The following SPATA24 variants were observed in gnomAD, a reference collection of about 807,000 sequenced individuals.
SPATA24 encodes spermatogenesis-associated protein 24.
Under a neutral mutation model 28.9 loss-of-function variants are expected in SPATA24, and 21 were observed. The ratio of observed to expected loss-of-function variants is 0.73; its 90% CI spans 0.52 to 1.05. The LOEUF is 1.05. SPATA24 is among the 50% of genes least tolerant of loss of function. The pLI, the probability that SPATA24 is intolerant of heterozygous loss-of-function variation, is 0.00. For synonymous variants in SPATA24, 76 were observed against 89.9 expected (o/e 0.85, Z 0.88); for missense variants, 215 against 242.9 (o/e 0.88, Z 0.76).
At chr5:139,401,393 C>G (rs1268593780) in intron 4 of SPATA24, 3 of 589,944 alleles carry the variant, frequency 5.1e-6, no homozygotes, top group Non-Finnish European at 9.0e-6. Flanking sequence ...GACCCTGAGA[C>G]TAAGGATCAG....
At chr5:139,401,115 C>T (rs760121593) in intron 4 of SPATA24, among the ~76,000 whole-genome samples, 1 of 151,862 alleles carries the variant, frequency 6.6e-6, no homozygotes, top group East Asian at 1.9e-4. Context: ...CGTGTGCCAC[C>T]GCACTCCAAC....
chr5:139,402,102 T>G (rs530872478), intron 2 of SPATA24, 57 bp from the exon 3 acceptor site: 3 of 1,516,616 alleles, frequency 2.0e-6, no homozygotes, highest in African/African-American at 2.8e-5. Flanking sequence ...TCTCCTAGAC[T>G]CCCTTAACCA....
intron 5 of SPATA24, 24 bp downstream of exon 5, chr5:139,397,017 C>T (rs544632129): frequency 1.4e-5 from 21 of 1,551,676 alleles, no homozygotes; most frequent in South Asian, 2.4e-5. Flanking sequence ...ATCAACAACC[C>T]CCAGCCGGGC....
intron 2 of SPATA24, among the ~76,000 whole-genome samples, chr5:139,402,384 AAT>A (rs1303899329): frequency 1.3e-5 from 2 of 149,966 alleles, no homozygotes; most frequent in Admixed American, 6.6e-5. Flanking sequence ...ATGCTTGGCT[AAT>A]ATATATATAT....
downstream of SPATA24, chr5:139,392,674 G>A (rs1758618481): frequency 7.1e-7 from 1 of 1,399,748 alleles, no homozygotes; most frequent in African/African-American, 1.5e-5. This position sits in a 1 kb window ranked among gnomAD's most constrained non-coding sequence, Gnocchi z 5.8. Flanking sequence ...CATCTGAGGG[G>A]AGCCGGGGCG....
At chr5:139,394,478 G>A (rs1317930075), downstream of SPATA24, 6 of 1,423,400 alleles carry the variant, frequency 4.2e-6, no homozygotes, top group Non-Finnish European at 4.6e-6. Context: ...ACTGTCCGGG[G>A]CCTGGCGGGC....
intron 4 of SPATA24, among the ~76,000 whole-genome samples, chr5:139,397,877 C>T (rs1418427114): frequency 6.6e-6 from 1 of 152,186 alleles, no homozygotes; most frequent in African/African-American, 2.4e-5. Flanking sequence ...TTTCTTAACA[C>T]TTTTACCTAA....
intron 4 of SPATA24, among the ~76,000 whole-genome samples, chr5:139,400,354 T>C (rs1758795747): frequency 6.7e-6 from 1 of 149,358 alleles, no homozygotes; most frequent in East Asian, 2.0e-4. Context: ...TTGCCCAGGC[T>C]GGAGCGCAAT....
downstream of SPATA24, chr5:139,395,135 G>GC: frequency 1.5e-6 from 2 of 1,371,436 alleles, no homozygotes; most frequent in Non-Finnish European, 1.9e-6. Flanking sequence ...CGCTGGTGGC[G>GC]CCGGCACTGT....
chr5:139,399,628 G>T (rs1260489678), intron 4 of SPATA24, among the ~76,000 whole-genome samples: 1 of 152,236 alleles, frequency 6.6e-6, no homozygotes, highest in Non-Finnish European at 1.5e-5. Context: ...CCGATGGTGA[G>T]AGAATGGTTA....
chr5:139,393,871 A>G, downstream of SPATA24: 1 of 1,550,230 alleles, frequency 6.5e-7, no homozygotes, highest in East Asian at 2.5e-5. Context: ...AGGACCCCGT[A>G]CAGCCCCATT....
rs1758821311 is a variant in SPATA24 at position 139,401,543 on chromosome 5, G to GT, written c.385+211dup. On this transcript the variant is annotated intron_variant, in intron 4 of 5. Transcript: ENST00000450845. Reference sequence around the variant, plus strand: ...GGAGCAAGCCCATTCCTTTATGGCGGTGAAGAATATAGTACACCGACTGCT... The same window carrying GT: ...GGAGCAAGCCCATTCCTTTATGGCGGTTGAAGAATATAGTACACCGACTGCT... 8.8e-6 allele frequency: 6 copies of GT among 682,458 alleles called. No homozygotes were observed. The East Asian group carries it at 1.6e-4, about 18-fold the overall frequency. The allele number at this position is 682,458 out of a possible 1,614,324, so 42.3% of individuals were successfully genotyped here. A position where few individuals can be genotyped will look rare whatever the true frequency, so the allele number is the denominator to read the frequency against.
chr5:139,394,155 G>C (rs1488885142), downstream of SPATA24: 11 of 1,546,358 alleles, frequency 7.1e-6, no homozygotes, highest in South Asian at 1.3e-4. Context: ...TCGGGGCCTT[G>C]GCGGGGGCCG....
chr5:139,393,905 G>T (rs1289154447), downstream of SPATA24: 2 of 1,551,008 alleles, frequency 1.3e-6, no homozygotes, highest in Non-Finnish European at 1.7e-6. Context: ...GGCGGGGACG[G>T]GCTCCTTGGC....
downstream of SPATA24, chr5:139,394,060 C>A (rs1001914949): frequency 5.8e-6 from 9 of 1,550,804 alleles, no homozygotes; most frequent in Admixed American, 1.8e-4. Context: ...AAGGAAGATG[C>A]TGGAACTAAC....
intron 2 of SPATA24, 82 bp downstream of exon 2, chr5:139,402,546 G>T: frequency 7.7e-7 from 1 of 1,292,118 alleles, no homozygotes; most frequent in Non-Finnish European, 1.1e-6. Context: ...CCCATCAGAG[G>T]CTAATACTTA....
downstream of SPATA24, chr5:139,394,003 C>T (rs1172467483): frequency 6.4e-7 from 1 of 1,550,656 alleles, no homozygotes; most frequent in Non-Finnish European, 8.7e-7. Flanking sequence ...CGGCGCCTCT[C>T]GCGGGAACCG....
downstream of SPATA24, chr5:139,395,143 T>C (rs1026699165): frequency 6.6e-6 from 9 of 1,361,234 alleles, no homozygotes; most frequent in African/African-American, 1.2e-4. Flanking sequence ...GCGCCGGCAC[T>C]GTCCCCGCCC....
At chr5:139,400,195 T>G (rs1226688016) in intron 4 of SPATA24, among the ~76,000 whole-genome samples, 1 of 151,858 alleles carries the variant, frequency 6.6e-6, no homozygotes, top group African/African-American at 2.4e-5. Context: ...AGGCTCCACA[T>G]GGGAGCCCCA....
Sources: gnomAD v4.1 joint callset for allele counts (sites outside exome capture counted in the v4.1 genomes callset) on GRCh38, gnomAD v4.1.1 for gene constraint, Gnocchi (gnomAD v3.1) non-coding constraint, MANE v1.5 for transcripts, NCBI Gene and HGNC (gene_info 2026-07-23, HGNC 2026-07-21) for gene names.